The following GLCE variants were observed in gnomAD, a reference collection of about 807,000 sequenced individuals.
GLCE encodes glucuronic acid epimerase, also known as D-glucuronyl C5-epimerase.
Under a neutral mutation model 47.9 loss-of-function variants are expected in GLCE, and 19 were observed. That is an observed-to-expected ratio of 0.40 (90% CI 0.28 to 0.58). The LOEUF is 0.58. GLCE is among the 20% of genes least tolerant of loss of function. The pLI is 0.48. For missense variants in GLCE, 556 were observed against 743.3 expected (o/e 0.75, Z 2.93); for synonymous variants, 245 against 263.4 (o/e 0.93, Z 0.68).
intron 1 of GLCE, among the ~76,000 whole-genome samples, chr15:69,163,701 G>C (rs1376920955): frequency 6.6e-6 from 1 of 152,010 alleles, no homozygotes; most frequent in African/African-American, 2.4e-5. Flanking sequence ...AGAAGAGAGC[G>C]GTTTAATTTT....
intron 1 of GLCE, among the ~76,000 whole-genome samples, chr15:69,168,751 C>G (rs2140326506): frequency 6.6e-6 from 1 of 152,244 alleles, no homozygotes; most frequent in African/African-American, 2.4e-5. Context: ...AGGCTGGTCT[C>G]AAACTCCCGA....
intron 3 of GLCE, among the ~76,000 whole-genome samples, chr15:69,260,059 C>T (rs2052989586): frequency 6.6e-6 from 1 of 151,916 alleles, no homozygotes; most frequent in Non-Finnish European, 1.5e-5. Flanking sequence ...ACACTAATAC[C>T]AAACATTTAA....
At chr15:69,240,373 T>A (rs1290035336) in intron 2 of GLCE, among the ~76,000 whole-genome samples, 1 of 150,646 alleles carries the variant, frequency 6.6e-6, no homozygotes, top group Non-Finnish European at 1.5e-5. Context: ...AATACAGGAA[T>A]GTTGCACTCA....
chr15:69,201,797 C>G (rs2052079518), intron 1 of GLCE, among the ~76,000 whole-genome samples: 1 of 151,806 alleles, frequency 6.6e-6, no homozygotes, highest in Non-Finnish European at 1.5e-5. Context: ...CAGATACCCA[C>G]TGAGGAATTT....
chr15:69,230,536 C>T (rs2052508644), intron 2 of GLCE, among the ~76,000 whole-genome samples: 1 of 152,112 alleles, frequency 6.6e-6, no homozygotes, highest in Non-Finnish European at 1.5e-5. Context: ...TGTAGTCTAC[C>T]ACAAGAGGCA....
intron 2 of GLCE, among the ~76,000 whole-genome samples, chr15:69,220,786 T>C (rs910080344): frequency 3.9e-5 from 6 of 152,234 alleles, no homozygotes; most frequent in Non-Finnish European, 7.3e-5. Context: ...AAGTTTTTCA[T>C]GAAGTCCAAA....
intron 2 of GLCE, among the ~76,000 whole-genome samples, chr15:69,216,271 G>A (rs970077583): frequency 6.6e-6 from 1 of 152,090 alleles, no homozygotes; most frequent in African/African-American, 2.4e-5. Context: ...AGAGTCTTTG[G>A]TGAGATCTTT....
intron 2 of GLCE, among the ~76,000 whole-genome samples, chr15:69,229,020 G>A (rs1464692184): frequency 1.3e-5 from 2 of 152,022 alleles, no homozygotes; most frequent in Non-Finnish European, 2.9e-5. Context: ...TTACATATAA[G>A]AACACAAAAA....
intron 1 of GLCE, among the ~76,000 whole-genome samples, chr15:69,209,362 G>T (rs1198961463): frequency 1.3e-5 from 2 of 151,986 alleles, no homozygotes; most frequent in Non-Finnish European, 2.9e-5. Flanking sequence ...GTTAGGAGAC[G>T]TTGGGTCTTG....
chr15:69,241,608 C>T (rs1016513843), intron 2 of GLCE, among the ~76,000 whole-genome samples: 1 of 152,162 alleles, frequency 6.6e-6, no homozygotes, highest in African/African-American at 2.4e-5. Context: ...GGGCAGCATA[C>T]GTATTTCCAC....
intron 2 of GLCE, among the ~76,000 whole-genome samples, chr15:69,227,499 A>G (rs1271363691): frequency 6.6e-6 from 1 of 151,096 alleles, no homozygotes; most frequent in Non-Finnish European, 1.5e-5. Flanking sequence ...CTAAATCAGG[A>G]GAGTCATGAA....
chr15:69,264,344 ATATTC>A (rs914232262), intron 4 of GLCE, among the ~76,000 whole-genome samples: 2 of 152,204 alleles, frequency 1.3e-5, no homozygotes, highest in South Asian at 2.1e-4. Flanking sequence ...GTTATGGCTA[ATATTC>A]TATTCTATAG....
chr15:69,167,887 C>G (rs1196949642), intron 1 of GLCE, among the ~76,000 whole-genome samples: 1 of 151,462 alleles, frequency 6.6e-6, no homozygotes, highest in African/African-American at 2.4e-5. Context: ...TTCCTTCAGC[C>G]ACACTCCTCA....
chr15:69,216,212 T>A (rs1258537642), intron 2 of GLCE, among the ~76,000 whole-genome samples: 3 of 152,178 alleles, frequency 2.0e-5, no homozygotes, highest in Non-Finnish European at 4.4e-5. Flanking sequence ...CTGCTAGTGC[T>A]GAAGATTGGC....
intron 1 of GLCE, among the ~76,000 whole-genome samples, chr15:69,205,553 T>C (rs1595754165): frequency 6.6e-6 from 1 of 152,140 alleles, no homozygotes; most frequent in East Asian, 1.9e-4. Flanking sequence ...ATATTTATTG[T>C]CAAGAAATTG....
chr15:69,220,503 G>A (rs142032847), intron 2 of GLCE, among the ~76,000 whole-genome samples: 5 of 152,090 alleles, frequency 3.3e-5, no homozygotes, highest in African/African-American at 4.8e-5. Context: ...TCTCATTGTA[G>A]TTTTGATTTG....
chr15:69,230,565 T>G (rs1208049551), intron 2 of GLCE, among the ~76,000 whole-genome samples: 1 of 152,240 alleles, frequency 6.6e-6, no homozygotes, highest in Non-Finnish European at 1.5e-5. Context: ...CCTTGTTACA[T>G]TAGTTTTAAT....
At chr15:69,217,003 T>G (rs987381712) in intron 2 of GLCE, among the ~76,000 whole-genome samples, 1 of 152,118 alleles carries the variant, frequency 6.6e-6, no homozygotes, top group African/African-American at 2.4e-5. Context: ...TTTTCTGCTT[T>G]AGAATAAGCG....
At chr15:69,168,635 T>C (rs2051540309) in intron 1 of GLCE, among the ~76,000 whole-genome samples, 1 of 151,720 alleles carries the variant, frequency 6.6e-6, no homozygotes, top group African/African-American at 2.4e-5. Context: ...CAGGTTCAAG[T>C]GATTCTCCTG....
Sources: gnomAD v4.1 joint callset for allele counts (sites outside exome capture counted in the v4.1 genomes callset) on GRCh38, gnomAD v4.1.1 for gene constraint, MANE v1.5 for transcripts, NCBI Gene and HGNC (gene_info 2026-07-23, HGNC 2026-07-21) for gene names.